Variants in APC2 observed in about 807,000 individuals in gnomAD.
APC2 encodes adenomatous polyposis coli protein 2.
Under a neutral mutation model 72.5 loss-of-function variants are expected in APC2, and 41 were observed. That is an observed-to-expected ratio of 0.57 (90% CI 0.44 to 0.73). APC2 has a LOEUF of 0.73. Among genes scored for constraint, APC2 ranks in the 30% least tolerant of loss-of-function variants. The pLI, the probability that APC2 is intolerant of heterozygous loss-of-function variation, is 0.00. For synonymous variants in APC2, 1,898 were observed against 1,612.0 expected (o/e 1.18, Z -4.25); for missense variants, 3,729 against 3,403.4 (o/e 1.10, Z -2.38).
intron 14 of APC2, 103 bp from the exon 15 acceptor site, chr19:1,465,051 TA>T: frequency 7.6e-7 from 1 of 1,315,030 alleles, no homozygotes; most frequent in Non-Finnish European, 1.0e-6. Flanking sequence ...GATCCAAACC[TA>T]ACCAGATGCG....
intron 10 of APC2, among the ~76,000 whole-genome samples, chr19:1,459,731 G>A (rs373534957): frequency 6.6e-5 from 10 of 152,316 alleles, no homozygotes; most frequent in East Asian, 1.9e-4. Context: ...GAAGCGGGGC[G>A]AGTGAAGAGG....
chr19:1,465,930 G>A lies in APC2; in HGVS notation c.2629G>A (p.Gly877Arg), dbSNP rs773608052. 2 of 1,585,712 alleles carry A rather than the reference G, an allele frequency of 1.3e-6. No individual in the cohort carries two copies. Among genetic ancestry groups the A allele is most frequent in the African/African-American group, 1.4e-5 (1 of 72,864 alleles). Residue 877 changes from glycine (G) to arginine (R), a missense_variant, in exon 15 of 15, where the codon GGA becomes AGA. Coordinates refer to ENST00000590469, the MANE Select transcript of APC2 (RefSeq NM_005883.3). ...CGACGATAGCTTCAGCCTCAGCTCT[G>A]GAGACCCGGGACAGGAGGCGCCACG... The part of the protein sequence containing the change: ...SSDDSFSLSS[G>R]DPGQEAPREG...
At position 1,469,548 on chromosome 19, in the gene APC2, C is replaced by A. The variant is rs1462767309; in HGVS notation, c.6247C>A (p.Arg2083Ser). Reference protein sequence around the residue: ...ARRTTSESPSRLPVRAPAARP... With the variant: ...ARRTTSESPSSLPVRAPAARP... ...GCGCACCACCTCCGAGAGCCCGTCC[C>A]GCCTGCCTGTGCGCGCGCCCGCCGC... Residue 2083 changes from arginine to serine, a missense_variant, in exon 15 of 15, where the codon CGC becomes AGC. Physicochemically the swap from Arg to Ser is moderately radical, Grantham distance 110. Coordinates refer to ENST00000590469, the MANE Select transcript of APC2 (RefSeq NM_005883.3). 1.6e-5 allele frequency: 20 copies of A among 1,222,034 alleles called. No individual in the cohort carries two copies. Among genetic ancestry groups the A allele is most frequent in the East Asian group, 5.8e-5 (1 of 17,264 alleles). The allele number at this position is 1,222,034 out of a possible 1,614,324, so 75.7% of individuals were successfully genotyped here.
Position 1,469,624 on chromosome 19 carries a change from C to A in APC2, c.6323C>A (p.Ala2108Asp). 8.1e-7 allele frequency: 1 copy of A among 1,230,794 alleles called. No individual in the cohort carries two copies. Among genetic ancestry groups the A allele is most frequent in the South Asian group, 2.5e-5 (1 of 40,188 alleles). 76.2% of individuals were successfully genotyped at this position (1,230,794 alleles called of 1,614,324 possible). A position where few individuals can be genotyped will look rare whatever the true frequency, so the allele number is the denominator to read the frequency against. ...RYASLPHISVARRPDGAVPAA... is the reference protein window; with the variant it reads ...RYASLPHISVDRRPDGAVPAA... ...GCGTCGCTGCCGCACATCAGCGTGG[C>A]CCGCAGGCCCGACGGCGCCGTCCCC... The change falls in exon 15 of 15, where the codon GCC becomes GAC. Residue 2108 changes from alanine (A) to aspartate (D), a missense_variant. By Grantham distance (126) the Ala-to-Asp change is moderately radical. Coordinates refer to ENST00000590469, the MANE Select transcript of APC2 (RefSeq NM_005883.3).
chr19:1,446,850 A>G (rs1442365145), upstream of APC2, among the ~76,000 whole-genome samples: 4 of 152,090 alleles, frequency 2.6e-5, no homozygotes, highest in Non-Finnish European at 5.9e-5. This position sits in a 1 kb window ranked among gnomAD's most constrained non-coding sequence, Gnocchi z 6.1. Flanking sequence ...TCCCGACCCC[A>G]GCGCTTCTCC....
Position 1,466,782 on chromosome 19 carries a change from C to T in APC2, c.3481C>T (p.Arg1161Cys), listed in dbSNP as rs1302861350. Reference protein sequence around the residue: ...YVQETPLVLSRCSSVSSLGSF... With the variant: ...YVQETPLVLSCCSSVSSLGSF... ...GCAGGAGACACCGCTTGTGCTGAGCCGCTGCAGCTCTGTGAGCTCGCTGGG... is the reference window on the plus strand; with the variant it reads ...GCAGGAGACACCGCTTGTGCTGAGCTGCTGCAGCTCTGTGAGCTCGCTGGG... Residue 1161 changes from arginine to cysteine, a missense_variant, in exon 15 of 15, where the codon CGC (arginine) becomes TGC (cysteine). Arg to Cys is a radical substitution (Grantham distance 180). Coordinates refer to ENST00000590469, the MANE Select transcript of APC2 (RefSeq NM_005883.3). 1 of 1,550,380 alleles carries T rather than the reference C, an allele frequency of 6.5e-7. No individual in the cohort carries two copies. Among genetic ancestry groups the T allele is most frequent in the East Asian group, 2.4e-5 (1 of 41,160 alleles).
rs755949052 is a variant in APC2, at chr19:1,467,905, G to T, written c.4604G>T (p.Arg1535Leu). The T allele has an allele frequency of 4.4e-6, 7 of 1,583,102 alleles. No individual in the cohort carries two copies. Among genetic ancestry groups the T allele is most frequent in the Non-Finnish European group, 6.0e-6 (7 of 1,173,170 alleles). ...PTHRRTSAIP[R>L]AFTRERPQGR... The stretch of plus-strand genomic sequence containing the variant: ...CACCGGCGCACATCGGCCATCCCTC[G>T]CGCTTTTACGCGGGAGCGTCCGCAG... Residue 1535 changes from arginine to leucine, a missense_variant, in exon 15 of 15, where the codon CGC becomes CTC. By Grantham distance (102) the Arg-to-Leu change is moderately radical (BLOSUM62 -2). Coordinates refer to ENST00000590469, the MANE Select transcript of APC2 (RefSeq NM_005883.3).
chr19:1,460,110 G>T, intron 10 of APC2, 71 bp from the exon 11 acceptor site: 1 of 1,599,936 alleles, frequency 6.3e-7, no homozygotes, highest in Non-Finnish European at 8.5e-7. Flanking sequence ...CTGGGCAAGG[G>T]AGTGAGGTGG....
intron 8 of APC2, 94 bp downstream of exon 8, chr19:1,456,498 C>T (rs2083829561): frequency 1.6e-6 from 2 of 1,283,000 alleles, no homozygotes; most frequent in South Asian, 1.4e-5. Flanking sequence ...CCCTCCCATG[C>T]CTCCATCCAG....
At position 1,462,097 on chromosome 19, in the gene APC2, C is replaced by G; in HGVS notation, c.1773C>G (p.Ser591Arg). The G allele has an allele frequency of 6.2e-7, 1 of 1,612,966 alleles. No homozygotes were observed. Among genetic ancestry groups the G allele is most frequent in the African/African-American group, 1.3e-5 (1 of 75,054 alleles). ...GCACCCTGACCTACAAGTGTCAGAG[C>G]AACTCGCTGGCCATCATCGAGAGCG... ...LVSTLTYKCQ[S>R]NSLAIIESGG... The change falls in exon 14 of 15, where the codon AGC (serine) becomes AGG (arginine). Residue 591 changes from serine (S) to arginine (R), a missense_variant. Ser to Arg is a moderately radical substitution (Grantham distance 110). Transcript: ENST00000590469.
chr19:1,460,374 C>G, intron 11 of APC2, 54 bp downstream of exon 11: 5 of 1,608,498 alleles, frequency 3.1e-6, no homozygotes, highest in Non-Finnish European at 4.2e-6. Context: ...CTTCCAGGGA[C>G]TGAGCCTCCT....
chr19:1,460,644 TA>T, intron 11 of APC2, 135 bp from the exon 12 acceptor site: 1 of 994,828 alleles, frequency 1.0e-6, no homozygotes, highest in Non-Finnish European at 1.5e-6. Context: ...GAGCATGGGG[TA>T]ACCGTCCCCG....
rs2084084345 is a variant in APC2, at chr19:1,469,132, T to G, written c.5831T>G (p.Leu1944Arg). The part of the protein sequence containing the change: ...QRPARRGPPP[L>R]ARAVPEPGPR... ...CCGGCCCGGCGTGGGCCGCCACCGC[T>G]GGCTCGGGCAGTCCCGGAGCCGGGC... Residue 1944 changes from leucine (L) to arginine (R), a missense_variant, in exon 15 of 15, where the codon CTG (leucine) becomes CGG (arginine). Physicochemically the swap from Leu to Arg is moderately radical, Grantham distance 102. Coordinates refer to ENST00000590469, the MANE Select transcript of APC2 (RefSeq NM_005883.3). The G allele has an allele frequency of 7.5e-7, 1 of 1,325,276 alleles. No individual in the cohort carries two copies. The highest frequency in any genetic ancestry group is 9.7e-7 in the Non-Finnish European group (1 of 1,032,466). The allele number at this position is 1,325,276 out of a possible 1,614,324, so 82.1% of individuals were successfully genotyped here.
Position 1,456,298 on chromosome 19 carries a change from C to T in APC2, c.718-8C>T, listed in dbSNP as rs994285941. 3.2e-5 allele frequency: 52 copies of T among 1,604,478 alleles called. No individual in the cohort carries two copies. Among genetic ancestry groups the T allele is most frequent in the East Asian group, 4.5e-5 (2 of 44,398 alleles). ...ACTGTACCCCCGACCCTGGTGCTCT[C>T]CCTGCAGGCCTTGCTGGCGGTGAAG... is the stretch of plus-strand genomic sequence containing the variant. On this transcript the variant is annotated splice_polypyrimidine_tract_variant and splice_region_variant and intron_variant, in intron 7 of 14. Coordinates refer to ENST00000590469, the MANE Select transcript of APC2 (RefSeq NM_005883.3).
chr19:1,459,560 T>C (rs754646456), intron 10 of APC2, among the ~76,000 whole-genome samples: 1 of 152,212 alleles, frequency 6.6e-6, no homozygotes, highest in Non-Finnish European at 1.5e-5. Context: ...CCTAACTCAC[T>C]TCCCCAAAGG....
Position 1,468,462 on chromosome 19 carries a change from G to A in APC2, c.5161G>A (p.Val1721Ile), listed in dbSNP as rs752158683. The A allele has an allele frequency of 2.5e-6, 4 of 1,599,014 alleles. No homozygotes were observed. Among genetic ancestry groups the A allele is most frequent in the Non-Finnish European group, 3.4e-6 (4 of 1,174,486 alleles). Reference protein sequence around the residue: ...SSESDSILSFVSGLSVGSTLQ... With the variant: ...SSESDSILSFISGLSVGSTLQ... ...CGAGTCCGACTCCATCCTGTCCTTCGTATCCGGGCTGTCAGTGGGATCCAC... is the reference window on the plus strand; with the variant it reads ...CGAGTCCGACTCCATCCTGTCCTTCATATCCGGGCTGTCAGTGGGATCCAC... The change falls in exon 15 of 15, where the codon GTA becomes ATA. Residue 1721 changes from valine (V) to isoleucine (I), a missense_variant. By Grantham distance (29) the Val-to-Ile change is conservative (BLOSUM62 3). Coordinates refer to ENST00000590469, the MANE Select transcript of APC2 (RefSeq NM_005883.3).
chr19:1,458,392 G>A (rs545494919), intron 10 of APC2: 27 of 320,882 alleles, frequency 8.4e-5, no homozygotes, highest in South Asian at 4.1e-4. Flanking sequence ...ACTGTAGGGG[G>A]TGTTTTACGT....
chr19:1,467,577 C>A lies in APC2; in HGVS notation c.4276C>A (p.Gln1426Lys). Residue 1426 changes from glutamine (Q) to lysine (K), a missense_variant, in exon 15 of 15, where the codon CAA (glutamine) becomes AAA (lysine). Gln to Lys is a moderately conservative substitution (Grantham distance 53). Transcript: ENST00000590469. ...CCAGCCCGGGGGACCAGCGGGCAGG[C>A]AAAGACCCACCGGCCGCCCCACCTC... ...RDQPGGPAGR[Q>K]RPTGRPTSAR... 1 of 1,513,254 alleles carries A rather than the reference C, an allele frequency of 6.6e-7. No individual in the cohort carries two copies. The highest frequency in any genetic ancestry group is 8.8e-7 in the Non-Finnish European group (1 of 1,137,162). The allele number at this position is 1,513,254 out of a possible 1,614,324, so 93.7% of individuals were successfully genotyped here. A position where few individuals can be genotyped will look rare whatever the true frequency, so the allele number is the denominator to read the frequency against.
chr19:1,464,138 G>A (rs1226679493), intron 14 of APC2, among the ~76,000 whole-genome samples: 2 of 152,052 alleles, frequency 1.3e-5, no homozygotes, highest in East Asian at 1.9e-4. Flanking sequence ...GTGAAACTCC[G>A]TCTCTACTAA....
Sources: allele counts gnomAD v4.1 joint callset (sites outside exome capture counted in the v4.1 genomes callset), GRCh38; gene constraint gnomAD v4.1.1; non-coding constraint Gnocchi (gnomAD v3.1); transcripts MANE v1.5; gene names NCBI Gene and HGNC (gene_info 2026-07-23, HGNC 2026-07-21).